The following GRIP1 variants were observed in gnomAD, a reference collection of about 807,000 sequenced individuals.
GRIP1 encodes glutamate receptor-interacting protein 1.
A neutral mutation model predicts 129.9 loss-of-function variants in GRIP1; 45 were observed. The observed-to-expected ratio is 0.35, with a 90% CI of 0.27 to 0.44. The LOEUF (loss-of-function observed/expected upper bound fraction) is 0.44. Ranked by LOEUF, GRIP1 falls within the 20% of genes least tolerant of loss-of-function variation. The pLI is 1.00. For synonymous variants in GRIP1, 530 were observed against 520.8 expected (o/e 1.02, Z -0.24); for missense variants, 1,196 against 1,396.8 (o/e 0.86, Z 2.29).
chr12:66,451,381 C>CTTT (rs2058792329), intron 11 of GRIP1, among the ~76,000 whole-genome samples: 1 of 40,736 alleles, frequency 2.5e-5, no homozygotes, highest in African/African-American at 9.5e-5. Context: ...TTATTATAAT[C>CTTT]TGTTTTTTTT....
chr12:66,912,133 G>A (rs767460806), intron 1 of GRIP1, among the ~76,000 whole-genome samples: 13 of 151,836 alleles, frequency 8.6e-5, no homozygotes, highest in Non-Finnish European at 1.8e-4. Flanking sequence ...CCAAAATGTT[G>A]GCATACTTAA....
intron 22 of GRIP1, among the ~76,000 whole-genome samples, chr12:66,375,920 T>C (rs909870903): frequency 1.3e-5 from 2 of 152,236 alleles, no homozygotes; most frequent in African/African-American, 4.8e-5. Context: ...AGCAGGGCTA[T>C]GTTCAAGAAT....
intron 1 of GRIP1, among the ~76,000 whole-genome samples, chr12:66,741,258 C>T (rs76777833): frequency 0.017 from 2,629 of 152,146 alleles, 89 homozygotes; most frequent in African/African-American, 0.06. Flanking sequence ...ACTTAAAAAC[C>T]CTTTATTTCA....
intron 1 of GRIP1, among the ~76,000 whole-genome samples, chr12:66,926,403 T>C (rs185814704): frequency 1.2e-4 from 19 of 152,320 alleles, no homozygotes; most frequent in African/African-American, 4.6e-4. Flanking sequence ...ACTTTTAAAA[T>C]AAGCCTGCTG....
chr12:66,377,963 CAT>C (rs34562746), intron 20 of GRIP1, among the ~76,000 whole-genome samples: 63,152 of 151,728 alleles, frequency 0.42, 13,538 homozygotes, highest in East Asian at 0.55. Flanking sequence ...AAGAGAGAAA[CAT>C]GTGTTTTTCT....
chr12:66,662,754 T>C (rs1052892670), intron 1 of GRIP1, among the ~76,000 whole-genome samples: 3 of 152,154 alleles, frequency 2.0e-5, no homozygotes, highest in Admixed American at 2.0e-4. Context: ...AACAAAGCAA[T>C]GGTAAGCCTG....
intron 1 of GRIP1, among the ~76,000 whole-genome samples, chr12:66,664,228 C>T (rs936146965): frequency 1.3e-5 from 2 of 151,982 alleles, no homozygotes; most frequent in African/African-American, 4.8e-5. Flanking sequence ...GCTAGAGCTC[C>T]AAAAATCAAT....
chr12:66,969,933 T>C (rs896683794), intron 1 of GRIP1, among the ~76,000 whole-genome samples: 6 of 152,190 alleles, frequency 3.9e-5, no homozygotes, highest in African/African-American at 1.4e-4. Flanking sequence ...CCCTCTGTTC[T>C]TGCATGTTAT....
chr12:66,753,813 T>G (rs1432130444), intron 1 of GRIP1, among the ~76,000 whole-genome samples: 2 of 152,228 alleles, frequency 1.3e-5, no homozygotes, highest in African/African-American at 4.8e-5. Flanking sequence ...GAATGTTTAC[T>G]GAAAGTGGTT....
At chr12:67,043,490 A>T (rs536156494) in intron 1 of GRIP1, among the ~76,000 whole-genome samples, 1 of 152,314 alleles carries the variant, frequency 6.6e-6, no homozygotes, top group Non-Finnish European at 1.5e-5. Flanking sequence ...AAAAGTCTTC[A>T]GGCATAAAGT....
intron 1 of GRIP1, among the ~76,000 whole-genome samples, chr12:66,733,382 A>T (rs1331680770): frequency 6.6e-6 from 1 of 152,154 alleles, no homozygotes; most frequent in African/African-American, 2.4e-5. Context: ...AGTCATGGCT[A>T]ATAAGATATG....
chr12:66,790,934 G>A (rs920970113), intron 1 of GRIP1, among the ~76,000 whole-genome samples: 79 of 152,230 alleles, frequency 5.2e-4, no homozygotes, highest in African/African-American at 1.9e-3. Context: ...AGAGGCTGGA[G>A]GACTGGAAAG....
chr12:66,421,253 C>G (rs1592825632), intron 14 of GRIP1, among the ~76,000 whole-genome samples: 1 of 151,800 alleles, frequency 6.6e-6, no homozygotes, highest in African/African-American at 2.4e-5. Flanking sequence ...ATTTAAAGTT[C>G]TTTTTTTTGG....
At chr12:66,679,087 T>G (rs1487749218), upstream of GRIP1, 5 of 1,498,410 alleles carry the variant, frequency 3.3e-6, no homozygotes, top group East Asian at 1.2e-4. Flanking sequence ...GGCAAATCTG[T>G]GTCATTCACT....
intron 2 of GRIP1, among the ~76,000 whole-genome samples, chr12:66,591,793 C>T (rs1289514257): frequency 5.9e-5 from 9 of 151,854 alleles, no homozygotes; most frequent in Non-Finnish European, 1.3e-4. Flanking sequence ...CCATCCCCAG[C>T]TGATTTTTGC....
chr12:66,544,513 G>A (rs1434425683), intron 2 of GRIP1, among the ~76,000 whole-genome samples: 1 of 152,138 alleles, frequency 6.6e-6, no homozygotes, highest in African/African-American at 2.4e-5. Flanking sequence ...GATTCCAAAT[G>A]CACCATCTAT....
chr12:66,938,761 A>C (rs781529247), intron 1 of GRIP1, among the ~76,000 whole-genome samples: 1 of 152,140 alleles, frequency 6.6e-6, no homozygotes, highest in Non-Finnish European at 1.5e-5. Context: ...GATCAAGACC[A>C]TCCTGGCCAA....
intron 1 of GRIP1, among the ~76,000 whole-genome samples, chr12:66,775,609 G>A (rs112695264): frequency 2.3e-3 from 350 of 152,068 alleles, no homozygotes; most frequent in African/African-American, 8.0e-3. Flanking sequence ...TATTTCTGTG[G>A]TCAATCAGCT....
At chr12:66,835,054 G>C (rs2039588710) in intron 1 of GRIP1, among the ~76,000 whole-genome samples, 1 of 151,994 alleles carries the variant, frequency 6.6e-6, no homozygotes, top group South Asian at 2.1e-4. Context: ...CACAGACTGG[G>C]AAAAATATTT....
Sources: gnomAD v4.1 joint callset for allele counts (sites outside exome capture counted in the v4.1 genomes callset) on GRCh38, gnomAD v4.1.1 for gene constraint, MANE v1.5 for transcripts, NCBI Gene and HGNC (gene_info 2026-07-23, HGNC 2026-07-21) for gene names.